Variants in LGSN observed in about 807,000 individuals in gnomAD.
LGSN encodes the protein lengsin, lens protein with glutamine synthetase domain.
LGSN carries 21 observed loss-of-function variants against 19.5 expected under a neutral mutation model. That is an observed-to-expected ratio of 1.07 (90% CI 0.76 to 1.55). The LOEUF (loss-of-function observed/expected upper bound fraction) is 1.55, where lower values mean the gene tolerates loss of function less well. LGSN is among the 40% of genes most tolerant of loss of function. The pLI is 0.00. For missense variants in LGSN, 673 were observed against 608.5 expected (o/e 1.11, Z -1.12); for synonymous variants, 257 against 215.6 (o/e 1.19, Z -1.68).
chr6:63,412,674 G>GAGA, the LGSN span, among the ~76,000 whole-genome samples: 20 of 113,900 alleles, frequency 1.8e-4, no homozygotes, highest in South Asian at 1.4e-3. Flanking sequence ...GGAAGGAAAG[G>GAGA]AAGAAAGAAA....
At chr6:63,394,835 C>T in the LGSN span, among the ~76,000 whole-genome samples, 7 of 152,210 alleles carry the variant, frequency 4.6e-5, no homozygotes, top group African/African-American at 9.6e-5. Flanking sequence ...CTGCCACGGC[C>T]TCTGACAGCT....
At chr6:63,317,913 T>C (rs1162423635) in intron 1 of LGSN, among the ~76,000 whole-genome samples, 4 of 152,214 alleles carry the variant, frequency 2.6e-5, no homozygotes, top group Non-Finnish European at 5.9e-5. Context: ...TCTTACTCAC[T>C]TGACATATTA....
At chr6:63,471,241 G>T in the LGSN span, among the ~76,000 whole-genome samples, 1 of 151,184 alleles carries the variant, frequency 6.6e-6, no homozygotes, top group African/African-American at 2.4e-5. Flanking sequence ...GCCTCCCAAA[G>T]TGCTGAGATT....
chr6:63,375,075 T>A, the LGSN span, among the ~76,000 whole-genome samples: 1 of 152,230 alleles, frequency 6.6e-6, no homozygotes, highest in South Asian at 2.1e-4. Context: ...GTTATTGATG[T>A]CATTGTTGAT....
chr6:63,480,265 A>G, the LGSN span: 591 of 217,304 alleles, frequency 2.7e-3, 5 homozygotes, highest in African/African-American at 0.013. Flanking sequence ...TCTCCAGTCC[A>G]TTGTCCGGTA....
the LGSN span, among the ~76,000 whole-genome samples, chr6:63,331,398 C>T: frequency 3.3e-5 from 5 of 152,120 alleles, no homozygotes; most frequent in African/African-American, 9.7e-5. Context: ...AATATTGGGG[C>T]CAAGCCGTAG....
the LGSN span, among the ~76,000 whole-genome samples, chr6:63,432,162 AAAG>A: frequency 1.3e-3 from 152 of 114,416 alleles, 3 homozygotes; most frequent in Admixed American, 3.6e-3. Flanking sequence ...AGAAAGAAAG[AAAG>A]AAAGAAAAGG....
the LGSN span, among the ~76,000 whole-genome samples, chr6:63,490,798 A>G: frequency 6.6e-6 from 1 of 152,152 alleles, no homozygotes; most frequent in Non-Finnish European, 1.5e-5. Context: ...TGCAAGCTGG[A>G]TGCACAGGAA....
chr6:63,572,361 A>C, the LGSN span: 2 of 292,916 alleles, frequency 6.8e-6, no homozygotes, highest in Non-Finnish European at 1.3e-5. Context: ...TGACGTCCGG[A>C]GGGGGCGGGC....
chr6:63,314,694 T>A (rs759204312), intron 1 of LGSN, among the ~76,000 whole-genome samples: 3 of 152,160 alleles, frequency 2.0e-5, no homozygotes, highest in Non-Finnish European at 2.9e-5. Context: ...ATGCTTCCAA[T>A]TTTCCCTTTA....
the LGSN span, among the ~76,000 whole-genome samples, chr6:63,520,209 G>A: frequency 2.0e-5 from 3 of 151,908 alleles, no homozygotes; most frequent in African/African-American, 7.3e-5. Context: ...TCTACAATTG[G>A]GAATATTTTC....
the LGSN span, among the ~76,000 whole-genome samples, chr6:63,417,137 C>A: frequency 6.6e-6 from 1 of 152,146 alleles, no homozygotes; most frequent in African/African-American, 2.4e-5. Flanking sequence ...AGAGAGACTA[C>A]AGGCTGGAGG....
At chr6:63,360,823 G>T in the LGSN span, among the ~76,000 whole-genome samples, 5 of 152,204 alleles carry the variant, frequency 3.3e-5, no homozygotes, top group Non-Finnish European at 5.9e-5. Flanking sequence ...GTGATGTACA[G>T]ATGGGGTTTT....
chr6:63,442,233 G>C, the LGSN span, among the ~76,000 whole-genome samples: 16 of 152,234 alleles, frequency 1.1e-4, 1 homozygote. Context: ...CCTTCACGGT[G>C]AGTGTTATAG....
At chr6:63,391,748 T>C in the LGSN span, among the ~76,000 whole-genome samples, 2 of 152,220 alleles carry the variant, frequency 1.3e-5, no homozygotes, top group Non-Finnish European at 2.9e-5. Context: ...TAGCTATCTC[T>C]GTCTCAAAGG....
chr6:63,491,293 T>G, the LGSN span, among the ~76,000 whole-genome samples: 16 of 152,136 alleles, frequency 1.1e-4, no homozygotes, highest in Non-Finnish European at 2.1e-4. Flanking sequence ...TGCTTTTTGC[T>G]TGGAAGACAT....
the LGSN span, among the ~76,000 whole-genome samples, chr6:63,455,625 G>A: frequency 4.6e-5 from 7 of 152,130 alleles, no homozygotes; most frequent in East Asian, 1.4e-3. Context: ...ACAGTGGCAT[G>A]TGCCTGTAAT....
chr6:63,379,568 A>G, the LGSN span, among the ~76,000 whole-genome samples: 1 of 152,166 alleles, frequency 6.6e-6, no homozygotes, highest in Admixed American at 6.5e-5. Context: ...CTCAGTGATT[A>G]ATATTTGTAT....
chr6:63,388,535 G>A, the LGSN span, among the ~76,000 whole-genome samples: 3 of 152,186 alleles, frequency 2.0e-5, no homozygotes, highest in East Asian at 5.8e-4. Flanking sequence ...CAGGTGCACA[G>A]AGGGAAAATG....
Sources: allele counts gnomAD v4.1 joint callset (sites outside exome capture counted in the v4.1 genomes callset), GRCh38; gene constraint gnomAD v4.1.1; transcripts MANE v1.5; gene names NCBI Gene and HGNC (gene_info 2026-07-23, HGNC 2026-07-21).